The following FRMD3 variants were observed in gnomAD, a reference collection of about 807,000 sequenced individuals.
The protein encoded by FRMD3 is FERM domain containing 3.
FRMD3 carries 33 observed loss-of-function variants against 70.2 expected under a neutral mutation model. The ratio of observed to expected loss-of-function variants is 0.47; its 90% CI spans 0.36 to 0.63. FRMD3 has a LOEUF of 0.63. Ranked by LOEUF, FRMD3 falls within the 20% of genes least tolerant of loss-of-function variation. The probability of loss-of-function intolerance (pLI) is 0.00; values close to 1 mark genes in which losing one functional copy is unlikely to be tolerated. For synonymous variants in FRMD3, 279 were observed against 255.9 expected (o/e 1.09, Z -0.86); for missense variants, 632 against 711.4 (o/e 0.89, Z 1.27).
At chr9:83,358,700 T>TTATA (rs1331828451) in intron 3 of FRMD3, among the ~76,000 whole-genome samples, 2 of 151,102 alleles carry the variant, frequency 1.3e-5, no homozygotes, top group Non-Finnish European at 2.9e-5. Context: ...ATTTATTTAT[T>TTATA]TATTTATTTA....
At chr9:83,434,551 G>A (rs1039579975) in intron 1 of FRMD3, among the ~76,000 whole-genome samples, 1 of 152,194 alleles carries the variant, frequency 6.6e-6, no homozygotes, top group Non-Finnish European at 1.5e-5. Flanking sequence ...TTACCCAGCA[G>A]TAGAACAATG....
intron 1 of FRMD3, among the ~76,000 whole-genome samples, chr9:83,530,153 AT>A (rs1259423831): frequency 2.0e-5 from 3 of 152,242 alleles, no homozygotes; most frequent in Admixed American, 6.5e-5. Context: ...CCCAAGAGAA[AT>A]GAAACATGTC....
intron 6 of FRMD3, among the ~76,000 whole-genome samples, chr9:83,323,573 C>A (rs957431320): frequency 1.3e-5 from 2 of 152,180 alleles, no homozygotes; most frequent in African/African-American, 4.8e-5. Context: ...TGCCTTGCAC[C>A]ACTTCAGGAC....
At chr9:83,339,773 T>C (rs576441979) in intron 5 of FRMD3, among the ~76,000 whole-genome samples, 53 of 152,294 alleles carry the variant, frequency 3.5e-4, no homozygotes, top group African/African-American at 1.2e-3. Flanking sequence ...AACTTTGTAT[T>C]GCCATGTGGC....
At chr9:83,559,796 C>A in the FRMD3 span, among the ~76,000 whole-genome samples, 68 of 151,882 alleles carry the variant, frequency 4.5e-4, 1 homozygote, top group Admixed American at 4.5e-3. Flanking sequence ...ATAAATTATA[C>A]CTCAATAAAA....
chr9:83,517,363 A>T (rs934633657), intron 1 of FRMD3, among the ~76,000 whole-genome samples: 2 of 152,068 alleles, frequency 1.3e-5, no homozygotes, highest in African/African-American at 4.8e-5. Context: ...AATAAACTAG[A>T]AAACCTAGAA....
intron 13 of FRMD3, among the ~76,000 whole-genome samples, chr9:83,272,865 G>GGCT (rs1833634405): frequency 7.0e-6 from 1 of 143,616 alleles, no homozygotes; most frequent in Admixed American, 6.9e-5. Flanking sequence ...GTCTCTGCCC[G>GGCT]GCCACCCCGT....
At chr9:83,350,498 C>CTAT (rs1233560848) in intron 3 of FRMD3, among the ~76,000 whole-genome samples, 2 of 150,698 alleles carry the variant, frequency 1.3e-5, no homozygotes, top group Non-Finnish European at 3.0e-5. Context: ...TGGCACATGC[C>CTAT]TGTAATCCCA....
intron 1 of FRMD3, among the ~76,000 whole-genome samples, chr9:83,423,879 A>G (rs1449922866): frequency 6.6e-6 from 1 of 152,086 alleles, no homozygotes; most frequent in Non-Finnish European, 1.5e-5. Context: ...TACAGGCATG[A>G]GCCGCGGCCC....
At chr9:83,390,104 C>G (rs541959462) in intron 1 of FRMD3, among the ~76,000 whole-genome samples, 1 of 152,198 alleles carries the variant, frequency 6.6e-6, no homozygotes, top group South Asian at 2.1e-4. Context: ...TCTAATTCCT[C>G]GGTACATATT....
intron 1 of FRMD3, among the ~76,000 whole-genome samples, chr9:83,474,361 A>C (rs1828344054): frequency 6.6e-6 from 1 of 152,216 alleles, no homozygotes; most frequent in South Asian, 2.1e-4. Context: ...TAAAGCAACC[A>C]TTCTACATCT....
chr9:83,529,429 T>C (rs991042111), intron 1 of FRMD3, among the ~76,000 whole-genome samples: 1 of 152,208 alleles, frequency 6.6e-6, no homozygotes, highest in African/African-American at 2.4e-5. Flanking sequence ...TGCAAAGTCT[T>C]ATGAATATAT....
At chr9:83,513,098 G>C (rs373679677) in intron 1 of FRMD3, among the ~76,000 whole-genome samples, 1 of 152,170 alleles carries the variant, frequency 6.6e-6, no homozygotes, top group East Asian at 1.9e-4. Flanking sequence ...TAAATATCAA[G>C]TGGGCTCCCA....
chr9:83,482,920 G>A (rs1298529915), intron 1 of FRMD3, among the ~76,000 whole-genome samples: 1 of 152,232 alleles, frequency 6.6e-6, no homozygotes, highest in African/African-American at 2.4e-5. Flanking sequence ...GAAGGTGGCA[G>A]GAAGGTATGA....
chr9:83,263,923 A>G (rs1362002665), intron 13 of FRMD3, among the ~76,000 whole-genome samples: 1 of 152,240 alleles, frequency 6.6e-6, no homozygotes, highest in Non-Finnish European at 1.5e-5. Context: ...CATAAAAGAA[A>G]ATCTCAATAA....
chr9:83,332,615 C>A (rs1046772704), intron 6 of FRMD3, among the ~76,000 whole-genome samples: 1 of 152,136 alleles, frequency 6.6e-6, no homozygotes, highest in Non-Finnish European at 1.5e-5. Flanking sequence ...TGTGAAACCA[C>A]CCCCTCCTGA....
chr9:83,525,017 A>T (rs181151778), intron 1 of FRMD3, among the ~76,000 whole-genome samples: 1 of 152,028 alleles, frequency 6.6e-6, no homozygotes, highest in Non-Finnish European at 1.5e-5. Flanking sequence ...CCTCTCTTCT[A>T]TTAATAAGGC....
rs780630081 is a variant in FRMD3 at position 83,335,647 on chromosome 9, G to T, written c.473-8C>A. The T allele has an allele frequency of 6.2e-7, 1 of 1,608,396 alleles. No individual in the cohort carries two copies. The highest frequency in any genetic ancestry group is 1.1e-5 in the South Asian group (1 of 89,778). On this transcript the variant is annotated splice_polypyrimidine_tract_variant and splice_region_variant and intron_variant, in intron 5 of 13. Transcript: ENST00000304195. ...CGTAATCACCAAGCTCAGCTGTAATGAGTGAAAAAATAAAGAGACAGAGAA... is the reference window on the plus strand; with the variant it reads ...CGTAATCACCAAGCTCAGCTGTAATTAGTGAAAAAATAAAGAGACAGAGAA...
intron 1 of FRMD3, among the ~76,000 whole-genome samples, chr9:83,432,702 G>T (rs1163557772): frequency 6.6e-6 from 1 of 152,204 alleles, no homozygotes; most frequent in Non-Finnish European, 1.5e-5. Flanking sequence ...AGTTTAATAT[G>T]AAAGGAATTC....
Sources: gnomAD v4.1 joint callset for allele counts (sites outside exome capture counted in the v4.1 genomes callset) on GRCh38, gnomAD v4.1.1 for gene constraint, MANE v1.5 for transcripts, NCBI Gene and HGNC (gene_info 2026-07-23, HGNC 2026-07-21) for gene names.